ARFGEF3: variants seen among roughly 807,000 people sequenced by gnomAD.
The protein encoded by ARFGEF3 is brefeldin A-inhibited guanine nucleotide-exchange protein 3.
ARFGEF3 carries 96 observed loss-of-function variants against 221.7 expected under a neutral mutation model. That is an observed-to-expected ratio of 0.43 (90% CI 0.37 to 0.51). The LOEUF is 0.51. ARFGEF3 is among the 20% of genes least tolerant of loss of function. The pLI, the probability that ARFGEF3 is intolerant of heterozygous loss-of-function variation, is 0.00. For missense variants in ARFGEF3, 2,410 were observed against 2,789.9 expected, an observed-to-expected ratio of 0.86 and a Z score of 3.07; for synonymous variants, 1,145 against 1,126.8, an observed-to-expected ratio of 1.02 and a Z score of -0.32.
At chr6:138,277,501 C>T (rs1000674226) in intron 12 of ARFGEF3, among the ~76,000 whole-genome samples, 3 of 152,184 alleles carry the variant, frequency 2.0e-5, no homozygotes, top group African/African-American at 7.2e-5. Context: ...ATTGCTGGGT[C>T]ATATAGTGAT....
At chr6:138,200,351 G>C (rs973668698) in intron 2 of ARFGEF3, among the ~76,000 whole-genome samples, 1 of 152,076 alleles carries the variant, frequency 6.6e-6, no homozygotes, top group Non-Finnish European at 1.5e-5. Context: ...AACCAAAAAA[G>C]AGCCCGCATA....
chr6:138,319,108 T>C (rs1322152069), intron 27 of ARFGEF3, among the ~76,000 whole-genome samples: 4 of 149,448 alleles, frequency 2.7e-5, no homozygotes, highest in African/African-American at 7.4e-5. Flanking sequence ...CACTCCACAA[T>C]GCCCAGCTAA....
intron 8 of ARFGEF3, among the ~76,000 whole-genome samples, chr6:138,250,245 A>C (rs1196106109): frequency 6.6e-6 from 1 of 152,188 alleles, no homozygotes; most frequent in African/African-American, 2.4e-5. Context: ...GGTACGCAGA[A>C]CACTCCCTCG....
intron 2 of ARFGEF3, among the ~76,000 whole-genome samples, chr6:138,197,933 A>G (rs992758553): frequency 6.6e-6 from 1 of 152,182 alleles, no homozygotes; most frequent in African/African-American, 2.4e-5. Context: ...AAATTCTCCC[A>G]TGCCACTATC....
chr6:138,327,096 C>T (rs752341004), intron 31 of ARFGEF3, among the ~76,000 whole-genome samples: 2 of 152,082 alleles, frequency 1.3e-5, no homozygotes, highest in Non-Finnish European at 2.9e-5. Context: ...CACTGGGCAC[C>T]TGTGGGGAAC....
At chr6:138,183,802 G>T (rs9494957) in intron 2 of ARFGEF3, among the ~76,000 whole-genome samples, 7,623 of 152,260 alleles carry the variant, frequency 0.05, 603 homozygotes, top group African/African-American at 0.17. Flanking sequence ...AATGGAGATG[G>T]AAACGGGAAG....
At chr6:138,292,098 G>A in intron 19 of ARFGEF3, 45 bp downstream of exon 19, 1 of 1,360,932 alleles carries the variant, frequency 7.3e-7, no homozygotes, top group Middle Eastern at 2.3e-4. Context: ...TGCTTACCAG[G>A]CGACACCCAC....
intron 2 of ARFGEF3, among the ~76,000 whole-genome samples, chr6:138,176,310 T>C (rs571935139): frequency 3.3e-5 from 5 of 151,226 alleles, no homozygotes; most frequent in African/African-American, 9.7e-5. Context: ...GCCTCCCAAA[T>C]AGCTGGGACT....
rs909081098 is a variant in ARFGEF3, at chr6:138,265,117, A to C, written c.2128+1506A>C. Among the ~76,000 whole-genome samples, 200 of 152,152 alleles carry C rather than the reference A, an allele frequency of 1.3e-3. 1 individual carries two copies. Among genetic ancestry groups the C allele is most frequent in the African/African-American group, 4.2e-3 (174 of 41,514 alleles). On this transcript the variant is annotated intron_variant, in intron 12 of 33. Coordinates refer to ENST00000251691, the MANE Select transcript of ARFGEF3 (RefSeq NM_020340.5). ...ACAGGGTTTCGCTGTGTTAGCCAGG[A>C]TGGTCTCGATCTCCTGACCTTGTGA...
intron 1 of ARFGEF3, among the ~76,000 whole-genome samples, chr6:138,166,439 T>C (rs1776724323): frequency 6.6e-6 from 1 of 152,256 alleles, no homozygotes; most frequent in Non-Finnish European, 1.5e-5. Context: ...TAGCATCTTC[T>C]TCTACTCTGT....
At chr6:138,301,407 C>T (rs1408830928) in intron 22 of ARFGEF3, among the ~76,000 whole-genome samples, 2 of 152,180 alleles carry the variant, frequency 1.3e-5, no homozygotes, top group East Asian at 1.9e-4. Flanking sequence ...GTTTGACCAG[C>T]GTGAGGCTGA....
At chr6:138,228,935 A>T (rs1778142011) in intron 4 of ARFGEF3, among the ~76,000 whole-genome samples, 1 of 152,226 alleles carries the variant, frequency 6.6e-6, no homozygotes, top group Non-Finnish European at 1.5e-5. Context: ...GTGAAGAGGG[A>T]GAGAGTAGCC....
Position 138,294,082 on chromosome 6 carries a change from TC to T in ARFGEF3, c.3460del (p.His1154IlefsTer37). On this transcript the variant is annotated frameshift_variant, in exon 20 of 34. Transcript: ENST00000251691. LOFTEE classifies it high-confidence loss of function. Reference sequence around the variant, plus strand: ...AAGAAAGCATCGCAGTCTCAGCTTTTCCATTCTGTTACAGATACAGTTGATT... The same window carrying T: ...AAGAAAGCATCGCAGTCTCAGCTTTTCATTCTGTTACAGATACAGTTGATT... ...QLKKASQSQL[F>X]HSVTDTVDYS... 1 of 1,614,016 alleles carries T rather than the reference TC, an allele frequency of 6.2e-7. No homozygotes were observed. Among genetic ancestry groups the T allele is most frequent in the Non-Finnish European group, 8.5e-7 (1 of 1,179,892 alleles).
At position 138,214,240 on chromosome 6, in the gene ARFGEF3, TGAGTCCCCA is replaced by T. The variant is rs563101772; in HGVS notation, c.351+4203_351+4211del. 4.1e-4 allele frequency among the ~76,000 whole-genome samples: 63 copies of T among 152,366 alleles called. 1 individual carries two copies. The East Asian group carries it at 0.011, about 27-fold the overall frequency. On this transcript the variant is annotated intron_variant, in intron 4 of 33. Transcript: ENST00000251691. ...AAAAATTATAGAAGAGAGAATTAGA[TGAGTCCCCA>T]GAGAAAAGACTGGATTTCCATTACA...
At position 138,337,295 on chromosome 6, in the gene ARFGEF3, G is replaced by A. The variant is rs964922009; in HGVS notation, c.*809G>A. ...CACCCTGGCTGTTCTTGTGGTGTTT[G>A]TTTCCATCCCCAAGGCAAACAAGGA... On this transcript the variant is annotated 3_prime_UTR_variant, in exon 34 of 34. Transcript: ENST00000251691. 9 of 152,644 alleles carry A rather than the reference G, an allele frequency of 5.9e-5. No homozygotes were observed. Among genetic ancestry groups the A allele is most frequent in the Non-Finnish European group, 1.3e-4 (9 of 68,024 alleles). 9.5% of individuals were successfully genotyped at this position (152,644 alleles called of 1,614,324 possible).
chr6:138,285,952 A>C lies in ARFGEF3; in HGVS notation c.2468A>C (p.Asp823Ala). 6.2e-7 allele frequency: 1 copy of C among 1,608,338 alleles called. No homozygotes were observed. Among genetic ancestry groups the C allele is most frequent in the Non-Finnish European group, 8.5e-7 (1 of 1,176,270 alleles). Reference protein sequence around the residue: ...LPLITMLTDIDGLESSAIGGQ... With the variant: ...LPLITMLTDIAGLESSAIGGQ... ...CTTTCTTTTTCCTTGACAGATATTG[A>C]CGGCTTAGAGAGCAGTGCCATTGGT... Residue 823 changes from aspartate (D) to alanine (A), a missense_variant, in exon 15 of 34, where the codon GAC (aspartate) becomes GCC (alanine). Asp to Ala is a moderately radical substitution (Grantham distance 126, BLOSUM62 -2). Around this residue, in one of 5 missense-constraint regions of ARFGEF3, gnomAD observed 594 missense variants for 734.3 expected, o/e 0.81. Transcript: ENST00000251691.
chr6:138,274,898 G>A (rs1470754431), intron 12 of ARFGEF3, among the ~76,000 whole-genome samples: 30 of 151,144 alleles, frequency 2.0e-4, no homozygotes, highest in African/African-American at 5.6e-4. Flanking sequence ...ACCTGAGGTC[G>A]GGAATTCTAG....
At chr6:138,311,338 C>A in intron 24 of ARFGEF3, 69 bp from the exon 25 acceptor site, 1 of 911,062 alleles carries the variant, frequency 1.1e-6, no homozygotes, top group Non-Finnish European at 1.7e-6. Context: ...TGTGAGTAAA[C>A]AGGTCTCCTG....
intron 25 of ARFGEF3, 56 bp from the exon 26 acceptor site, chr6:138,313,739 C>A: frequency 7.0e-7 from 1 of 1,432,516 alleles, no homozygotes; most frequent in Non-Finnish European, 9.8e-7. Flanking sequence ...CTTTAAAACC[C>A]ACAATGCAGC....
Sources: allele counts gnomAD v4.1 joint callset (sites outside exome capture counted in the v4.1 genomes callset), GRCh38; gene constraint gnomAD v4.1.1; regional missense constraint gnomAD v4.1.1; transcripts MANE v1.5; gene names NCBI Gene and HGNC (gene_info 2026-07-23, HGNC 2026-07-21).